FBLN5: variants seen among roughly 807,000 people sequenced by gnomAD.
The protein encoded by FBLN5 is fibulin 5.
In FBLN5, 24 loss-of-function variants were observed where a neutral mutation model predicts 61.6. The observed-to-expected ratio is 0.39, with a 90% CI of 0.28 to 0.55. FBLN5 has a LOEUF of 0.55. FBLN5 is among the 20% of genes least tolerant of loss of function. The pLI, the probability that FBLN5 is intolerant of heterozygous loss-of-function variation, is 0.65. For missense variants in FBLN5, 470 were observed against 594.1 expected, an observed-to-expected ratio of 0.79 and a Z score of 2.17; for synonymous variants, 213 against 219.8, an observed-to-expected ratio of 0.97 and a Z score of 0.27.
intron 4 of FBLN5, among the ~76,000 whole-genome samples, chr14:91,920,222 T>A (rs539576523): frequency 2.0e-5 from 3 of 152,318 alleles, no homozygotes; most frequent in East Asian, 3.9e-4. Flanking sequence ...TGCCTGCTAA[T>A]GCACCAGGGT....
At chr14:91,925,236 CCCCAGAG>C (rs1257077574) in intron 4 of FBLN5, among the ~76,000 whole-genome samples, 1 of 152,252 alleles carries the variant, frequency 6.6e-6, no homozygotes, top group African/African-American at 2.4e-5. Flanking sequence ...TACCCGCCGG[CCCCAGAG>C]TCTGTGGATG....
intron 4 of FBLN5, among the ~76,000 whole-genome samples, chr14:91,914,038 C>T (rs1330799511): frequency 6.6e-6 from 1 of 152,134 alleles, no homozygotes; most frequent in African/African-American, 2.4e-5. Flanking sequence ...AGCTAAGCAA[C>T]CAGCTTAAGA....
At chr14:91,884,842 T>C (rs992337647) in intron 7 of FBLN5, among the ~76,000 whole-genome samples, 2 of 152,234 alleles carry the variant, frequency 1.3e-5, no homozygotes, top group Non-Finnish European at 2.9e-5. Context: ...ACTCGGTTTA[T>C]CTTTGGGTCT....
intron 4 of FBLN5, among the ~76,000 whole-genome samples, chr14:91,914,215 T>C (rs1566817299): frequency 6.6e-6 from 1 of 152,256 alleles, no homozygotes; most frequent in African/African-American, 2.4e-5. Flanking sequence ...CAGTAGCTCA[T>C]GCCTGTAATC....
At chr14:91,888,758 G>A (rs977781257) in intron 6 of FBLN5, among the ~76,000 whole-genome samples, 1 of 152,070 alleles carries the variant, frequency 6.6e-6, no homozygotes, top group Non-Finnish European at 1.5e-5. Context: ...TGAGTCAGGG[G>A]TTTTTCCACA....
Position 91,923,365 on chromosome 14 carries a change from T to G in FBLN5, c.379+13582A>C, listed in dbSNP as rs186444261. ...CCACAATCTGGTGGGGAATCTTGAG[T>G]GCCAACCTTCTAAGCCTCATCTCTT... On this transcript the variant is annotated intron_variant, in intron 4 of 10. Transcript: ENST00000342058. Among the ~76,000 whole-genome samples the G allele has an allele frequency of 7.6e-4, 116 of 152,334 alleles. 2 individuals are homozygous for G. Among genetic ancestry groups the G allele is most frequent in the Non-Finnish European group, 1.8e-4 (12 of 68,026 alleles).
intron 4 of FBLN5, among the ~76,000 whole-genome samples, chr14:91,904,007 C>A (rs979657201): frequency 4.6e-5 from 7 of 152,150 alleles, no homozygotes; most frequent in African/African-American, 1.4e-4. Flanking sequence ...TCAAGGCATG[C>A]GCTTTATACT....
At position 91,913,065 on chromosome 14, in the gene FBLN5, GC is replaced by G. The variant is rs1400474242; in HGVS notation, c.380-17994del. On this transcript the variant is annotated intron_variant, in intron 4 of 10. Coordinates refer to ENST00000342058, the MANE Select transcript of FBLN5 (RefSeq NM_006329.4). ...TATTTTTCATTATTTGTCTTCAAAC[GC>G]CCTTTTACAAGTATAATTCAATCAC... Among the ~76,000 whole-genome samples, 5 of 152,074 alleles carry G rather than the reference GC, an allele frequency of 3.3e-5. No individual in the cohort carries two copies. The East Asian group carries it at 9.7e-4, about 29-fold the overall frequency.
chr14:91,894,428 C>CAAAAAAAAAAAAAA (rs1491576623), intron 5 of FBLN5, among the ~76,000 whole-genome samples: 10 of 72,600 alleles, frequency 1.4e-4, no homozygotes, highest in Admixed American at 2.2e-4. Flanking sequence ...AAAAAAAAAA[C>CAAAAAAAAAAAAAA]CGAAAAAAAC....
chr14:91,902,965 C>T (rs1468948571), intron 4 of FBLN5, among the ~76,000 whole-genome samples: 1 of 152,170 alleles, frequency 6.6e-6, no homozygotes, highest in Non-Finnish European at 1.5e-5. Context: ...AAAAAACTAA[C>T]TACTGGGAAC....
At chr14:91,894,240 A>C (rs1388590662) in intron 5 of FBLN5, among the ~76,000 whole-genome samples, 1 of 151,126 alleles carries the variant, frequency 6.6e-6, no homozygotes, top group Admixed American at 6.6e-5. Flanking sequence ...TTCTACAAAA[A>C]ATACAAATAT....
chr14:91,901,584 G>A (rs764871168), intron 4 of FBLN5, among the ~76,000 whole-genome samples: 6 of 152,176 alleles, frequency 3.9e-5, no homozygotes, highest in Admixed American at 2.0e-4. Context: ...GGGCTGGGTC[G>A]GTGCCATTTT....
At position 91,900,004 on chromosome 14, in the gene FBLN5, C is replaced by T. The variant is rs1183152806; in HGVS notation, c.380-4932G>A. 3.3e-5 allele frequency among the ~76,000 whole-genome samples: 5 copies of T among 152,226 alleles called. No homozygotes were observed. The East Asian group carries it at 7.7e-4, about 23-fold the overall frequency. ...CAGCCCACACATCTGCTGACCGTTC[C>T]AGTCCTTGGAGCAGGACTCTGCAGA... On this transcript the variant is annotated intron_variant, in intron 4 of 10. Transcript: ENST00000342058.
At chr14:91,929,107 ACACACACC>A (rs2055881129) in intron 4 of FBLN5, among the ~76,000 whole-genome samples, 1 of 136,070 alleles carries the variant, frequency 7.3e-6, no homozygotes. Context: ...ACACACACAC[ACACACACC>A]CCACACACAC....
chr14:91,912,809 CA>C (rs200501822), intron 4 of FBLN5, among the ~76,000 whole-genome samples: 10,350 of 92,900 alleles, frequency 0.11, 336 homozygotes, highest in Non-Finnish European at 0.14. Flanking sequence ...GACTCTGACT[CA>C]AAAAAAAAAA....
intron 10 of FBLN5, among the ~76,000 whole-genome samples, chr14:91,870,915 C>T (rs185290083): frequency 3.9e-5 from 6 of 152,252 alleles, no homozygotes; most frequent in Admixed American, 6.5e-5. Flanking sequence ...CACTTCACCC[C>T]TCTGGGGCTC....
intron 10 of FBLN5, among the ~76,000 whole-genome samples, chr14:91,872,820 C>G (rs1345170284): frequency 6.6e-6 from 1 of 152,210 alleles, no homozygotes; most frequent in East Asian, 1.9e-4. Context: ...AAGGAAATGC[C>G]TGCAGCCTTT....
intron 2 of FBLN5, among the ~76,000 whole-genome samples, chr14:91,941,624 G>A (rs536434589): frequency 2.6e-5 from 4 of 152,254 alleles, no homozygotes; most frequent in Non-Finnish European, 4.4e-5. Flanking sequence ...AAGCTGTGCC[G>A]GGAAGCTGGG....
intron 1 of FBLN5, among the ~76,000 whole-genome samples, chr14:91,944,458 A>G (rs1006200475): frequency 6.6e-6 from 1 of 152,142 alleles, no homozygotes; most frequent in Non-Finnish European, 1.5e-5. Context: ...CTAGGTATAT[A>G]CCCTCAAAAA....
Sources: allele counts gnomAD v4.1 joint callset (sites outside exome capture counted in the v4.1 genomes callset), GRCh38; gene constraint gnomAD v4.1.1; transcripts MANE v1.5; gene names NCBI Gene and HGNC (gene_info 2026-07-23, HGNC 2026-07-21).